VKORC1L1: variants seen among roughly 807,000 people sequenced by gnomAD.
The protein encoded by VKORC1L1 is vitamin K epoxide reductase complex subunit 1L1.
VKORC1L1 carries 2 observed loss-of-function variants against 18.9 expected under a neutral mutation model. The observed-to-expected ratio is 0.11, with a 90% confidence interval of 0.04 to 0.33. VKORC1L1 has a LOEUF of 0.33. Ranked by LOEUF, VKORC1L1 falls within the 10% of genes least tolerant of loss-of-function variation. VKORC1L1 has a pLI of 1.00. For synonymous variants in VKORC1L1, 96 were observed against 100.0 expected, an observed-to-expected ratio of 0.96 and a Z score of 0.24; for missense variants, 123 against 224.1, an observed-to-expected ratio of 0.55 and a Z score of 2.88.
At chr7:65,954,046 G>T (rs775475261) in intron 2 of VKORC1L1, 28 bp from the exon 3 acceptor site, 2 of 1,569,016 alleles carry the variant, frequency 1.3e-6, no homozygotes, top group South Asian at 1.2e-5. Flanking sequence ...ACCAAGGCCT[G>T]ACTGAGCCTG....
chr7:65,905,518 C>T (rs1789392219), intron 1 of VKORC1L1, among the ~76,000 whole-genome samples: 1 of 152,010 alleles, frequency 6.6e-6, no homozygotes, highest in Non-Finnish European at 1.5e-5. Context: ...ACCATGTTAG[C>T]CAGGATGGTC....
intron 1 of VKORC1L1, among the ~76,000 whole-genome samples, chr7:65,911,883 T>C (rs1226017251): frequency 2.0e-5 from 3 of 152,242 alleles, no homozygotes; most frequent in Non-Finnish European, 2.9e-5. Flanking sequence ...TAGAAAGTTA[T>C]AGGCTTTACA....
intron 1 of VKORC1L1, among the ~76,000 whole-genome samples, chr7:65,909,654 A>C (rs1490444437): frequency 2.0e-5 from 3 of 148,746 alleles, no homozygotes; most frequent in Non-Finnish European, 4.4e-5. Flanking sequence ...ATCTGTCGAA[A>C]CTGTTCTTTG....
At chr7:65,906,118 A>G (rs529185807) in intron 1 of VKORC1L1, among the ~76,000 whole-genome samples, 4 of 151,810 alleles carry the variant, frequency 2.6e-5, no homozygotes, top group Admixed American at 1.3e-4. Flanking sequence ...TATCATGGCC[A>G]TAGTATACTA....
At chr7:65,891,597 A>G (rs1424820807) in intron 1 of VKORC1L1, among the ~76,000 whole-genome samples, 7 of 152,004 alleles carry the variant, frequency 4.6e-5, no homozygotes, top group Admixed American at 4.6e-4. Context: ...ATTACTAGCT[A>G]GTGGCTGGCC....
intron 1 of VKORC1L1, among the ~76,000 whole-genome samples, chr7:65,877,434 A>G (rs1395103668): frequency 6.0e-5 from 9 of 150,100 alleles, no homozygotes; most frequent in Non-Finnish European, 1.2e-4. Context: ...TGCAACCTCC[A>G]CCTCCCGGGT....
chr7:65,941,462 G>A lies in VKORC1L1; in HGVS notation c.195-7209G>A, dbSNP rs1248507303. 2.6e-5 allele frequency among the ~76,000 whole-genome samples: 4 copies of A among 152,068 alleles called. No homozygotes were observed. The East Asian group carries it at 5.8e-4, about 22-fold the overall frequency. Reference sequence around the variant, plus strand: ...GTGTGGCTATAAGGGTATGTGCCTTGTAAAAAATAATTTTTAAAAATACAT... The same window carrying A: ...GTGTGGCTATAAGGGTATGTGCCTTATAAAAAATAATTTTTAAAAATACAT... On this transcript the variant is annotated intron_variant, in intron 1 of 2. Transcript: ENST00000360768.
chr7:65,882,029 G>A (rs1242782099), intron 1 of VKORC1L1, among the ~76,000 whole-genome samples: 1 of 150,566 alleles, frequency 6.6e-6, no homozygotes. Flanking sequence ...GCAGTGAGCT[G>A]AGATCATGCC....
chr7:65,925,575 G>T (rs1396172762), intron 1 of VKORC1L1, among the ~76,000 whole-genome samples: 1 of 152,118 alleles, frequency 6.6e-6, no homozygotes, highest in South Asian at 2.1e-4. Context: ...GCTTCTTGAG[G>T]GTAGGGGCTG....
intron 1 of VKORC1L1, among the ~76,000 whole-genome samples, chr7:65,875,595 T>G (rs1003434995): frequency 3.9e-5 from 6 of 152,132 alleles, no homozygotes; most frequent in African/African-American, 1.4e-4. Flanking sequence ...TTTTTTGTAT[T>G]TTTGGTAGAG....
At chr7:65,926,961 G>T (rs115979823) in intron 1 of VKORC1L1, among the ~76,000 whole-genome samples, 1 of 152,008 alleles carries the variant, frequency 6.6e-6, no homozygotes, top group East Asian at 1.9e-4. Flanking sequence ...AGATTCAGAA[G>T]TGGGAGGTTG....
At chr7:65,873,932 G>A (rs1020529900) in intron 1 of VKORC1L1, among the ~76,000 whole-genome samples, 9 of 152,102 alleles carry the variant, frequency 5.9e-5, no homozygotes, top group African/African-American at 9.7e-5. Context: ...AGGTTTCCTG[G>A]TTCTCGGGAG....
rs186573302 is a variant in VKORC1L1, at chr7:65,942,614, G to A, written c.195-6057G>A. Reference sequence around the variant, plus strand: ...GTGCAGTGGCGCAATCTCGGCTTGCGTCCTGGGTTCAAGCGATTTTTCTGC... The same window carrying A: ...GTGCAGTGGCGCAATCTCGGCTTGCATCCTGGGTTCAAGCGATTTTTCTGC... On this transcript the variant is annotated intron_variant, in intron 1 of 2. Coordinates refer to ENST00000360768, the MANE Select transcript of VKORC1L1 (RefSeq NM_173517.6). Among the ~76,000 whole-genome samples, 1,407 of 151,454 alleles carry A rather than the reference G, an allele frequency of 9.3e-3. 25 individuals carry two copies. The highest frequency in any genetic ancestry group is 0.031 in the African/African-American group (1,266 of 41,270).
chr7:65,884,470 C>G (rs1423288514), intron 1 of VKORC1L1, among the ~76,000 whole-genome samples: 4 of 152,096 alleles, frequency 2.6e-5, no homozygotes, highest in Non-Finnish European at 1.5e-5. Flanking sequence ...AACCCCGTCT[C>G]TACTAAAAAT....
At chr7:65,878,845 T>A (rs1788875226) in intron 1 of VKORC1L1, among the ~76,000 whole-genome samples, 1 of 151,756 alleles carries the variant, frequency 6.6e-6, no homozygotes, top group African/African-American at 2.4e-5. Context: ...GAGGTGGAGG[T>A]TGTGGTGAGC....
intron 1 of VKORC1L1, among the ~76,000 whole-genome samples, chr7:65,877,832 G>A (rs904406405): frequency 6.6e-6 from 1 of 152,140 alleles, no homozygotes; most frequent in Admixed American, 6.6e-5. Context: ...TACCATAGGG[G>A]ATTGGTTTCA....
At chr7:65,887,797 C>T (rs1789040319) in intron 1 of VKORC1L1, among the ~76,000 whole-genome samples, 1 of 151,786 alleles carries the variant, frequency 6.6e-6, no homozygotes, top group Non-Finnish European at 1.5e-5. Context: ...GAAACATAGC[C>T]TTTTTTAATT....
chr7:65,886,474 C>T (rs28578581), intron 1 of VKORC1L1, among the ~76,000 whole-genome samples: 6,329 of 151,922 alleles, frequency 0.042, 449 homozygotes, highest in African/African-American at 0.14. Context: ...GTGAAAATGT[C>T]GTACAATATT....
intron 1 of VKORC1L1, among the ~76,000 whole-genome samples, chr7:65,894,945 T>G (rs749375466): frequency 6.6e-6 from 1 of 152,134 alleles, no homozygotes; most frequent in Non-Finnish European, 1.5e-5. Flanking sequence ...TGAAAAACAT[T>G]GCAAAACTTT....
Sources: gnomAD v4.1 joint callset for allele counts (sites outside exome capture counted in the v4.1 genomes callset) on GRCh38, gnomAD v4.1.1 for gene constraint, MANE v1.5 for transcripts, NCBI Gene and HGNC (gene_info 2026-07-23, HGNC 2026-07-21) for gene names.